Variants in EPRS1 observed in about 807,000 individuals in gnomAD.
EPRS1 encodes bifunctional glutamate/proline--tRNA ligase.
In EPRS1, 107 loss-of-function variants were observed where a neutral mutation model predicts 188.3. The observed-to-expected ratio is 0.57, with a 90% CI of 0.49 to 0.67. The LOEUF (loss-of-function observed/expected upper bound fraction) is 0.67. EPRS1 is among the 30% of genes least tolerant of loss of function. EPRS1 has a pLI of 0.00. For synonymous variants in EPRS1, 596 were observed against 593.1 expected, an observed-to-expected ratio of 1.00 and a Z score of -0.07; for missense variants, 1,577 against 1,802.2, an observed-to-expected ratio of 0.88 and a Z score of 2.26.
Position 220,024,322 on chromosome 1 carries a change from A to C in EPRS1, c.885T>G (p.Pro295=). 1 of 1,613,448 alleles carries C rather than the reference A, an allele frequency of 6.2e-7. No homozygotes were observed. Among genetic ancestry groups the C allele is most frequent in the Non-Finnish European group, 8.5e-7 (1 of 1,179,670 alleles). Reference sequence around the variant, plus strand: ...CACGTTCTGCTTTCATCTGTTCAGCAGGAGTATCATCCACATAAGCCTTCC... The same window carrying C: ...CACGTTCTGCTTTCATCTGTTCAGCCGGAGTATCATCCACATAAGCCTTCC... ...QEGKAYVDDT[P]AEQMKAEREQ... is the part of the protein sequence containing the mutation. Residue 295 remains proline, a synonymous_variant, in exon 8 of 32, where the codon CCT becomes CCG. Transcript: ENST00000366923.
chr1:220,031,585 T>G (rs1479827372), intron 5 of EPRS1, among the ~76,000 whole-genome samples: 1 of 152,200 alleles, frequency 6.6e-6, no homozygotes, highest in East Asian at 1.9e-4. Context: ...TTTATCCAAG[T>G]AGACAGTAGT....
chr1:220,016,474 G>C (rs1661716409), intron 12 of EPRS1, among the ~76,000 whole-genome samples: 1 of 150,970 alleles, frequency 6.6e-6, no homozygotes, highest in Admixed American at 6.6e-5. Context: ...GCAGTGGTGT[G>C]ATCAGGACTC....
chr1:219,974,036 C>T (rs1660727633), intron 28 of EPRS1, among the ~76,000 whole-genome samples: 1 of 152,084 alleles, frequency 6.6e-6, no homozygotes, highest in African/African-American at 2.4e-5. Context: ...CTCCGCCTCC[C>T]AAGATCAATT....
intron 2 of EPRS1, among the ~76,000 whole-genome samples, chr1:220,037,863 A>G (rs1023368083): frequency 6.6e-6 from 1 of 152,200 alleles, no homozygotes; most frequent in Non-Finnish European, 1.5e-5. Flanking sequence ...CAATTACTCC[A>G]TGGAAAACTA....
chr1:220,016,577 A>ATTTTTTTTTT (rs57664248), intron 12 of EPRS1, among the ~76,000 whole-genome samples: 5 of 69,606 alleles, frequency 7.2e-5, no homozygotes, highest in Non-Finnish European at 1.3e-4. Flanking sequence ...GGCCTAGCTA[A>ATTTTTTTTTT]TTTTTTTTTT....
rs1213938113 is a variant in EPRS1 at position 219,987,379 on chromosome 1, T to C, written c.2801A>G (p.Glu934Gly). The stretch of plus-strand genomic sequence containing the variant: ...GTACTGTGCCTTTAGCTGAAGGAGT[T>C]CTTGAACAGCTATATCTACTTGATC... ...PKDQVDIAVQ[E>G]LLQLKAQYKS... is the part of the protein sequence containing the mutation. Residue 934 changes from glutamate to glycine, a missense_variant, in exon 20 of 32, where the codon GAA becomes GGA. Glu to Gly is a moderately conservative substitution (Grantham distance 98). Coordinates refer to ENST00000366923, the MANE Select transcript of EPRS1 (RefSeq NM_004446.3). The C allele has an allele frequency of 1.2e-6, 2 of 1,610,202 alleles. No homozygotes were observed. The highest frequency in any genetic ancestry group is 3.4e-5 in the Admixed American group (2 of 59,292).
intron 2 of EPRS1, among the ~76,000 whole-genome samples, chr1:220,035,382 C>A (rs1371907056): frequency 6.6e-6 from 1 of 152,072 alleles, no homozygotes; most frequent in Admixed American, 6.6e-5. Context: ...GAGTTCCTGA[C>A]CTCAGGTGAT....
intron 8 of EPRS1, among the ~76,000 whole-genome samples, chr1:220,023,585 T>C (rs1417953013): frequency 6.6e-6 from 1 of 152,202 alleles, no homozygotes; most frequent in Non-Finnish European, 1.5e-5. Context: ...ATATTCATAT[T>C]TACCCACATG....
intron 19 of EPRS1, among the ~76,000 whole-genome samples, chr1:219,988,347 A>T (rs1313056798): frequency 2.6e-5 from 4 of 152,154 alleles, no homozygotes; most frequent in Non-Finnish European, 5.9e-5. Context: ...CAATTTAACA[A>T]TTAAAATACA....
At chr1:219,994,723 G>A (rs1027300434) in intron 18 of EPRS1, among the ~76,000 whole-genome samples, 5 of 144,444 alleles carry the variant, frequency 3.5e-5, no homozygotes, top group Non-Finnish European at 7.5e-5. Context: ...CAATATCTCA[G>A]CTCACTCCAA....
rs758329359 is a variant in EPRS1, at chr1:220,030,436, T to G, written c.573A>C (p.Pro191=). The part of the protein sequence containing the change: ...KQDVGKFVEL[P]GAEMGKVTVR... ...CGGTAACCTTTCCCATCTCCGCACC[T>G]GGAAGCTCAACAAATTTCCCAACAT... is the stretch of plus-strand genomic sequence containing the variant. Residue 191 remains proline, a synonymous_variant, in exon 6 of 32, where the codon CCA becomes CCC. Transcript: ENST00000366923. 5.0e-6 allele frequency: 8 copies of G among 1,614,150 alleles called. No homozygotes were observed. In the Admixed American group the frequency reaches 5.0e-5, roughly 10 times the overall value.
intron 17 of EPRS1, among the ~76,000 whole-genome samples, chr1:219,999,970 T>G (rs1313261911): frequency 6.6e-6 from 1 of 152,116 alleles, no homozygotes; most frequent in Admixed American, 6.5e-5. Context: ...AGCAATACTC[T>G]GTCTCAAATA....
In EPRS1 at chr1:220,018,430, A is replaced by G. The variant is rs1050750690; in HGVS notation, c.1494+19T>C. ...GGACTTAAGCATGAGAAAAGAAGGC[A>G]GAGAGTTAACATACATACCTTTTTG... On this transcript the variant is annotated intron_variant, in intron 12 of 31. Coordinates refer to ENST00000366923, the MANE Select transcript of EPRS1 (RefSeq NM_004446.3). 31 of 1,584,638 alleles carry G rather than the reference A, an allele frequency of 2.0e-5. No homozygotes were observed. Among genetic ancestry groups the G allele is most frequent in the Non-Finnish European group, 2.7e-5 (31 of 1,154,568 alleles).
Position 219,981,443 on chromosome 1 carries a change from A to G in EPRS1, c.3388T>C (p.Tyr1130His). 1 of 1,601,762 alleles carries G rather than the reference A, an allele frequency of 6.2e-7. No homozygotes were observed. Residue 1130 changes from tyrosine to histidine, a missense_variant, in exon 24 of 32, where the codon TAT becomes CAT. Physicochemically the swap from Tyr to His is moderately conservative, Grantham distance 83. Coordinates refer to ENST00000366923, the MANE Select transcript of EPRS1 (RefSeq NM_004446.3). ...CTGTGTGACTGTACCCATTTTGCAT[A>G]TGCAGGATACATTACTGAAAGACAC... ...PTSETVMYPA[Y>H]AKWVQSHRDL...
At position 219,988,626 on chromosome 1, in the gene EPRS1, T is replaced by C. The variant is rs755492477; in HGVS notation, c.2739A>G (p.Glu913=). The change falls in exon 19 of 32, where the codon GAA becomes GAG. Residue 913 remains glutamate (E), a synonymous_variant. Transcript: ENST00000366923. The part of the protein sequence containing the change: ...VLFDKVASQG[E]VVRKLKTEKA... Reference sequence around the variant, plus strand: ...TTTCAGTTTTAAGTTTCCGAACTACTTCCCCTTGAGAAGCTACTTTGTCAA... The same window carrying C: ...TTTCAGTTTTAAGTTTCCGAACTACCTCCCCTTGAGAAGCTACTTTGTCAA... 1.4e-5 allele frequency: 23 copies of C among 1,613,598 alleles called. No individual in the cohort carries two copies. Among genetic ancestry groups the C allele is most frequent in the Non-Finnish European group, 1.9e-5 (22 of 1,179,700 alleles).
At position 220,025,795 on chromosome 1, in the gene EPRS1, GT is replaced by G. The variant is rs780936118; in HGVS notation, c.624-538del. 5.8e-3 allele frequency among the ~76,000 whole-genome samples: 827 copies of G among 141,396 alleles called. 6 individuals are homozygous for G. The highest frequency in any genetic ancestry group is 0.015 in the Middle Eastern group (4 of 274). The allele number at this position is 141,396 out of a possible 152,430, so 92.8% of individuals were successfully genotyped here. A position where few individuals can be genotyped will look rare whatever the true frequency, so the allele number is the denominator to read the frequency against. Reference sequence around the variant, plus strand: ...GGTTTTCTCAGATGCCAAAATAAAAGTTTTTTTTTTTTTTTTTGAGACGGAA... The same window carrying G: ...GGTTTTCTCAGATGCCAAAATAAAAGTTTTTTTTTTTTTTTTGAGACGGAA... On this transcript the variant is annotated intron_variant, in intron 6 of 31. Coordinates refer to ENST00000366923, the MANE Select transcript of EPRS1 (RefSeq NM_004446.3).
intron 15 of EPRS1, among the ~76,000 whole-genome samples, chr1:220,005,586 T>C (rs1351071003): frequency 6.6e-6 from 1 of 152,202 alleles, no homozygotes; most frequent in Admixed American, 6.5e-5. Context: ...AAAAACCTTT[T>C]AAATAACTTG....
intron 1 of EPRS1, 109 bp downstream of exon 1, chr1:220,046,234 T>C: frequency 1.5e-6 from 2 of 1,353,866 alleles, no homozygotes; most frequent in Non-Finnish European, 1.0e-6. Flanking sequence ...AGGTCCAACA[T>C]CCCAGATGGT....
rs113395319 is a variant in EPRS1 at position 219,970,465 on chromosome 1, G to C, written c.4324-1343C>G. 8.3e-4 allele frequency among the ~76,000 whole-genome samples: 126 copies of C among 152,242 alleles called. 1 individual carries two copies. The highest frequency in any genetic ancestry group is 2.8e-3 in the African/African-American group (118 of 41,540). ...ACAGTGCTACAGATGGCTACCCACTGTCTAGCCTTCTATTAAAAGTAGGAA... is the reference window on the plus strand; with the variant it reads ...ACAGTGCTACAGATGGCTACCCACTCTCTAGCCTTCTATTAAAAGTAGGAA... On this transcript the variant is annotated intron_variant, in intron 30 of 31. Transcript: ENST00000366923.
Sources: gnomAD v4.1 joint callset for allele counts (sites outside exome capture counted in the v4.1 genomes callset) on GRCh38, gnomAD v4.1.1 for gene constraint, MANE v1.5 for transcripts, NCBI Gene and HGNC (gene_info 2026-07-23, HGNC 2026-07-21) for gene names.